Variants in IL31RA observed in about 807,000 individuals in gnomAD.
IL31RA encodes interleukin-31 receptor subunit alpha.
In IL31RA, 66 loss-of-function variants were observed where a neutral mutation model predicts 83.7. The observed-to-expected ratio is 0.79, with a 90% confidence interval of 0.65 to 0.97. The LOEUF is 0.97. Ranked by LOEUF, IL31RA falls within the 50% of genes least tolerant of loss-of-function variation. IL31RA has a pLI of 0.00. For synonymous variants in IL31RA, 325 were observed against 329.0 expected (o/e 0.99, Z 0.13); for missense variants, 798 against 919.4 (o/e 0.87, Z 1.71).
At chr5:55,857,561 C>T (rs779251179) in intron 1 of IL31RA, among the ~76,000 whole-genome samples, 27 of 152,164 alleles carry the variant, frequency 1.8e-4, no homozygotes, top group Non-Finnish European at 3.5e-4. Context: ...TTTTTAGATG[C>T]TCTTTGCGCT....
At position 55,867,199 on chromosome 5, in the gene IL31RA, T is replaced by TTGTG. The variant is rs753774052; in HGVS notation, c.155-1585_155-1582dup. Among the ~76,000 whole-genome samples the TTGTG allele has an allele frequency of 8.2e-4, 88 of 106,770 alleles. 1 individual carries two copies. The highest frequency in any genetic ancestry group is 2.9e-3 in the South Asian group (10 of 3,430). The allele number at this position is 106,770 out of a possible 152,430, so 70.0% of individuals were successfully genotyped here. A position where few individuals can be genotyped will look rare whatever the true frequency, so the allele number is the denominator to read the frequency against. ...TGTGTGCATGTGTGTTTGTGTGTGT[T>TTGTG]TGTGTGTGTGCGCATGTGTGTTTGT... On this transcript the variant is annotated intron_variant, in intron 2 of 14. Transcript: ENST00000652347.
At chr5:55,839,951 A>G in the IL31RA span, 2 of 651,160 alleles carry the variant, frequency 3.1e-6, no homozygotes, top group Admixed American at 2.1e-5. Context: ...GCTGCACTTC[A>G]TCGGCCAAGC....
chr5:55,876,500 C>G (rs575409816), intron 4 of IL31RA, among the ~76,000 whole-genome samples: 2 of 152,240 alleles, frequency 1.3e-5, no homozygotes, highest in African/African-American at 2.4e-5. Context: ...CAGATAATGC[C>G]GGAGTTTACT....
At chr5:55,844,094 G>C in the IL31RA span, among the ~76,000 whole-genome samples, 1 of 152,068 alleles carries the variant, frequency 6.6e-6, no homozygotes, top group African/African-American at 2.4e-5. Flanking sequence ...GGGAGCCAGA[G>C]GGGAAAATAA....
At chr5:55,906,531 C>T (rs1162127463) in intron 9 of IL31RA, among the ~76,000 whole-genome samples, 8 of 152,168 alleles carry the variant, frequency 5.3e-5, no homozygotes, top group Non-Finnish European at 8.8e-5. Context: ...ACCATCTTAA[C>T]ACCCACCATC....
chr5:55,908,353 A>AT lies in IL31RA; in HGVS notation c.1443_1444insT (p.Lys482Ter). The AT allele has an allele frequency of 6.2e-7, 1 of 1,614,198 alleles. No homozygotes were observed. Among genetic ancestry groups the AT allele is most frequent in the South Asian group, 1.1e-5 (1 of 91,080 alleles). ...GGAAAGAGATTCCCAAGAGTGAGAGAAAGGGTATCATCTGCAACTACACCA... is the reference window on the plus strand; with the variant it reads ...GGAAAGAGATTCCCAAGAGTGAGAGATAAGGGTATCATCTGCAACTACACCA... On this transcript the variant is annotated frameshift_variant, in exon 11 of 15. Transcript: ENST00000652347. LOFTEE classifies it high-confidence loss of function.
intron 2 of IL31RA, among the ~76,000 whole-genome samples, chr5:55,867,306 TGTGTGTGTGTGC>T (rs1746240241): frequency 7.7e-6 from 1 of 129,646 alleles, no homozygotes; most frequent in Non-Finnish European, 1.6e-5. Context: ...TGTGTGTGCG[TGTGTGTGTGTGC>T]GTGTGTGTGT....
At chr5:55,842,858 A>G in the IL31RA span, among the ~76,000 whole-genome samples, 1 of 152,104 alleles carries the variant, frequency 6.6e-6, no homozygotes, top group Non-Finnish European at 1.5e-5. Context: ...CCTTAGTGTT[A>G]CTTGATTCAA....
intron 4 of IL31RA, among the ~76,000 whole-genome samples, chr5:55,881,866 C>T (rs1455177756): frequency 1.3e-5 from 2 of 151,834 alleles, no homozygotes; most frequent in African/African-American, 4.8e-5. Context: ...GCGCCCGCCA[C>T]CATGCCCGGC....
chr5:55,851,886 A>C (rs1580637876), intron 1 of IL31RA, among the ~76,000 whole-genome samples: 1 of 152,106 alleles, frequency 6.6e-6, no homozygotes, highest in South Asian at 2.1e-4. Context: ...ATTTGTTGAC[A>C]TCTCTTATTT....
Position 55,903,065 on chromosome 5 carries a change from G to A in IL31RA, c.1069+2933G>A, listed in dbSNP as rs1190648850. Among the ~76,000 whole-genome samples the A allele has an allele frequency of 6.6e-6, 1 of 152,196 alleles. No homozygotes were observed. The highest frequency in any genetic ancestry group is 6.5e-5 in the Admixed American group (1 of 15,274). ...CACTGAACTGGTTATTGACCTGTGC[G>A]GGCCTCCACGTTCCCCTCTTGGAAT... is the stretch of plus-strand genomic sequence containing the variant. On this transcript the variant is annotated intron_variant, in intron 8 of 14. Coordinates refer to ENST00000652347, the MANE Select transcript of IL31RA (RefSeq NM_139017.7). The surrounding 1 kb of genome is among the most constrained non-coding windows in gnomAD (Gnocchi z 4.7).
chr5:55,922,691 C>T lies in IL31RA; in HGVS notation c.*5571C>T. ...CTTTTAAAATGCTTTTGTATTTGGGCCTTTCATACAAAAAAGCCATAATAC... is the reference window on the plus strand; with the variant it reads ...CTTTTAAAATGCTTTTGTATTTGGGTCTTTCATACAAAAAAGCCATAATAC... On this transcript the variant is annotated 3_prime_UTR_variant, in exon 15 of 15. Coordinates refer to ENST00000652347, the MANE Select transcript of IL31RA (RefSeq NM_139017.7). The T allele has an allele frequency of 2.1e-6, 1 of 472,978 alleles. No individual in the cohort carries two copies. Among genetic ancestry groups the T allele is most frequent in the Non-Finnish European group, 3.7e-6 (1 of 269,036 alleles). 29.3% of individuals were successfully genotyped at this position (472,978 alleles called of 1,614,324 possible). A position where few individuals can be genotyped will look rare whatever the true frequency, so the allele number is the denominator to read the frequency against.
Position 55,851,535 on chromosome 5 carries a change from A to T in IL31RA, c.-36A>T. 5 of 1,614,026 alleles carry T rather than the reference A, an allele frequency of 3.1e-6. No individual in the cohort carries two copies. Among genetic ancestry groups the T allele is most frequent in the Non-Finnish European group, 3.4e-6 (4 of 1,179,930 alleles). ...TGTGCAGTATGAAAATTGAGACAGG[A>T]AGGCAGAGTGTCAGCTTGTTCCACC... is the stretch of plus-strand genomic sequence containing the variant. On this transcript the variant is annotated 5_prime_UTR_variant, in exon 1 of 15. Coordinates refer to ENST00000652347, the MANE Select transcript of IL31RA (RefSeq NM_139017.7).
chr5:55,902,044 C>T (rs778351344), intron 8 of IL31RA, among the ~76,000 whole-genome samples: 2 of 152,072 alleles, frequency 1.3e-5, no homozygotes, highest in Non-Finnish European at 2.9e-5. Flanking sequence ...GGCTTTGTGT[C>T]AGATACGACT....
In IL31RA at chr5:55,889,710, G is replaced by C. The variant is rs549943893; in HGVS notation, c.607-260G>C. Among the ~76,000 whole-genome samples, 5 of 152,332 alleles carry C rather than the reference G, an allele frequency of 3.3e-5. No homozygotes were observed. In the East Asian group the frequency reaches 9.6e-4, roughly 29 times the overall value. ...AGCTCTGCTCACCCAGACCAGGCCAGAGGCAGGAATCTCTGCCCCATAAGC... is the reference window on the plus strand; with the variant it reads ...AGCTCTGCTCACCCAGACCAGGCCACAGGCAGGAATCTCTGCCCCATAAGC... On this transcript the variant is annotated intron_variant, in intron 5 of 14. Transcript: ENST00000652347.
the IL31RA span, chr5:55,839,914 AT>A: frequency 1.5e-6 from 1 of 687,494 alleles, no homozygotes; most frequent in Non-Finnish European, 2.7e-6. Flanking sequence ...CTTGAGCCTT[AT>A]TTTGAATTTT....
At position 55,917,108 on chromosome 5, in the gene IL31RA, G is replaced by A; in HGVS notation, c.2283G>A (p.Lys761=). The A allele has an allele frequency of 2.5e-6, 4 of 1,614,170 alleles. No individual in the cohort carries two copies. In the Middle Eastern group the frequency reaches 4.9e-4, roughly 200 times the overall value. The change falls in exon 15 of 15, where the codon AAG becomes AAA. Residue 761 remains lysine (K), a synonymous_variant. Coordinates refer to ENST00000652347, the MANE Select transcript of IL31RA (RefSeq NM_139017.7). ...LVSEKLPEHT[K]GEV is the part of the protein sequence containing the mutation. ...CTGAAAAACTTCCAGAGCACACCAA[G>A]GGAGAAGTCTAAATGCGACCATAGC...
At chr5:55,859,655 C>A in intron 2 of IL31RA, 56 bp downstream of exon 2, 1 of 1,238,420 alleles carries the variant, frequency 8.1e-7, no homozygotes, top group Non-Finnish European at 1.2e-6. Flanking sequence ...CTTCTTTGGA[C>A]AAGAGTTGTT....
chr5:55,846,230 C>T, the IL31RA span, among the ~76,000 whole-genome samples: 1 of 152,130 alleles, frequency 6.6e-6, no homozygotes, highest in African/African-American at 2.4e-5. Flanking sequence ...GTTTGTTTAG[C>T]TTTTTACTTG....
Sources: allele counts gnomAD v4.1 joint callset (sites outside exome capture counted in the v4.1 genomes callset), GRCh38; gene constraint gnomAD v4.1.1; non-coding constraint Gnocchi (gnomAD v3.1); transcripts MANE v1.5; gene names NCBI Gene and HGNC (gene_info 2026-07-23, HGNC 2026-07-21).